The following IHO1 variants were observed in gnomAD, a reference collection of about 807,000 sequenced individuals.
IHO1 encodes interactor of HORMAD1 1.
A neutral mutation model predicts 31.0 loss-of-function variants in IHO1; 13 were observed. The observed-to-expected ratio is 0.42, with a 90% CI of 0.27 to 0.67. The LOEUF is 0.67. IHO1 is among the 30% of genes least tolerant of loss of function. IHO1 has a pLI of 0.24. For missense variants in IHO1, 599 were observed against 687.5 expected (o/e 0.87, Z 1.44); for synonymous variants, 221 against 248.4 (o/e 0.89, Z 1.04).
chr3:49,199,870 G>C (rs1449958314), intron 1 of IHO1: 2 of 152,308 alleles, frequency 1.3e-5, no homozygotes, highest in Admixed American at 1.3e-4. Context: ...GTGAGACCGG[G>C]TACGCCCCGG....
chr3:49,249,999 A>G (rs546118446), intron 6 of IHO1, among the ~76,000 whole-genome samples: 2 of 152,378 alleles, frequency 1.3e-5, no homozygotes, highest in African/African-American at 4.8e-5. Context: ...TCTTAACAGG[A>G]AAACAGATAT....
At chr3:49,220,865 C>CA (rs1553617129) in intron 2 of IHO1, among the ~76,000 whole-genome samples, 2 of 152,110 alleles carry the variant, frequency 1.3e-5, no homozygotes, top group East Asian at 1.9e-4. Context: ...AAGACTCCAT[C>CA]AAAAAATAAA....
intron 4 of IHO1, 139 bp downstream of exon 4, chr3:49,241,528 TACACACACATAC>T: frequency 1.8e-6 from 1 of 554,838 alleles, no homozygotes; most frequent in South Asian, 2.6e-5. Flanking sequence ...CCATAGGACT[TACACACACATAC>T]ACACACACAC....
intron 2 of IHO1, among the ~76,000 whole-genome samples, chr3:49,212,473 G>A (rs191257785): frequency 6.0e-4 from 90 of 149,644 alleles, no homozygotes; most frequent in African/African-American, 2.1e-3. Context: ...CTGAGATTGC[G>A]CCACTGCACT....
At chr3:49,247,080 A>G (rs12637346) in intron 6 of IHO1, among the ~76,000 whole-genome samples, 111,090 of 151,548 alleles carry the variant, frequency 0.73, 41,191 homozygotes, top group East Asian at 0.99. Context: ...AACTCCTAAT[A>G]TCAGGTGATC....
upstream of IHO1, among the ~76,000 whole-genome samples, chr3:49,195,413 C>T (rs918533360): frequency 1.7e-4 from 25 of 144,068 alleles, no homozygotes; most frequent in African/African-American, 6.2e-4. Context: ...CAGAGCAAGA[C>T]TCCATCTCAA....
At chr3:49,241,801 A>T (rs1348761819) in intron 4 of IHO1, among the ~76,000 whole-genome samples, 1 of 151,774 alleles carries the variant, frequency 6.6e-6, no homozygotes, top group Non-Finnish European at 1.5e-5. Context: ...TTGTATTTTT[A>T]GTAGAGACAG....
At chr3:49,200,475 A>AAAGAGAAAGAAAG (rs367907809) in intron 1 of IHO1, 1 of 103,858 alleles carries the variant, frequency 9.6e-6, no homozygotes, top group African/African-American at 6.1e-5. Context: ...AAAAAAAAAA[A>AAAGAGAAAGAAAG]AAAGAAAGAA....
At chr3:49,223,064 A>T (rs1320049793) in intron 2 of IHO1, among the ~76,000 whole-genome samples, 1 of 152,100 alleles carries the variant, frequency 6.6e-6, no homozygotes, top group Non-Finnish European at 1.5e-5. Flanking sequence ...TAGGTTTTTA[A>T]GGTTTCATTG....
chr3:49,219,693 C>A (rs1296881295), intron 2 of IHO1, among the ~76,000 whole-genome samples: 12 of 152,212 alleles, frequency 7.9e-5, no homozygotes, highest in Non-Finnish European at 1.8e-4. Flanking sequence ...CGAAGGGTCA[C>A]CAGAGCAATG....
intron 3 of IHO1, among the ~76,000 whole-genome samples, chr3:49,240,015 A>G (rs917141656): frequency 6.6e-6 from 1 of 152,082 alleles, no homozygotes; most frequent in Non-Finnish European, 1.5e-5. Context: ...CTTAACAAAT[A>G]AGATTAAGTT....
chr3:49,223,306 G>T (rs543996667), intron 2 of IHO1, among the ~76,000 whole-genome samples: 1 of 152,064 alleles, frequency 6.6e-6, no homozygotes, highest in Non-Finnish European at 1.5e-5. Flanking sequence ...TTGCTTTCTC[G>T]ACCTTCCCTG....
At position 49,224,691 on chromosome 3, in the gene IHO1, A is replaced by G. The variant is rs553425893; in HGVS notation, c.57-11857A>G. ...ACCTGCCCTTCGTATCCCATTCTCC[A>G]CAAATGAACTTCCATCGGTATATAG... On this transcript the variant is annotated intron_variant, in intron 2 of 7. Coordinates refer to ENST00000452691, the MANE Select transcript of IHO1 (RefSeq NM_001135197.2). 4.1e-4 allele frequency among the ~76,000 whole-genome samples: 63 copies of G among 152,328 alleles called. 1 individual carries two copies. The South Asian group carries it at 0.012, about 30-fold the overall frequency.
upstream of IHO1, among the ~76,000 whole-genome samples, chr3:49,196,709 C>T (rs1208575003): frequency 2.1e-5 from 3 of 143,110 alleles, no homozygotes; most frequent in East Asian, 2.2e-4. Flanking sequence ...CTCGCTCTGT[C>T]ACCCAGGCTG....
chr3:49,198,375 T>C (rs1250514448), upstream of IHO1: 1 of 152,376 alleles, frequency 6.6e-6, no homozygotes, highest in Non-Finnish European at 1.5e-5. Flanking sequence ...AATGCCTCAT[T>C]CTCCTGGTGT....
In IHO1 at chr3:49,256,051, A is replaced by G; in HGVS notation, c.637-83A>G. 8.4e-7 allele frequency: 1 copy of G among 1,191,918 alleles called. No homozygotes were observed. Among genetic ancestry groups the G allele is most frequent in the South Asian group, 1.5e-5 (1 of 67,920 alleles). The allele number at this position is 1,191,918 out of a possible 1,614,324, so 73.8% of individuals were successfully genotyped here. On this transcript the variant is annotated intron_variant, in intron 7 of 7. Coordinates refer to ENST00000452691, the MANE Select transcript of IHO1 (RefSeq NM_001135197.2). This position sits in a 1 kb window ranked among gnomAD's most constrained non-coding sequence, Gnocchi z 4.6. Reference sequence around the variant, plus strand: ...GAGCAAGCCTTGGTTCTGCTGTCACATCCATTGGTCTGTTCTCATGTTTTA... The same window carrying G: ...GAGCAAGCCTTGGTTCTGCTGTCACGTCCATTGGTCTGTTCTCATGTTTTA...
At chr3:49,207,819 G>A (rs2046158881) in intron 1 of IHO1, among the ~76,000 whole-genome samples, 2 of 147,782 alleles carry the variant, frequency 1.4e-5, no homozygotes, top group South Asian at 4.2e-4. Flanking sequence ...TGTCACCCAT[G>A]GTGGAGTGCA....
chr3:49,244,582 A>G (rs545878322), intron 5 of IHO1, 64 bp from the exon 6 acceptor site: 18 of 1,465,370 alleles, frequency 1.2e-5, no homozygotes, highest in Admixed American at 1.9e-5. Context: ...TGAAATGACA[A>G]TTCTCTAAGA....
In IHO1 at chr3:49,227,168, C is replaced by G. The variant is rs986864494; in HGVS notation, c.57-9380C>G. On this transcript the variant is annotated intron_variant, in intron 2 of 7. Transcript: ENST00000452691. ...ATATTTCACTCCATTTGCCTTCACT[C>G]TTACAGAAAAGGTTAAGCTGCAGGA... Among the ~76,000 whole-genome samples the G allele has an allele frequency of 1.6e-4, 24 of 152,306 alleles. No homozygotes were observed. In the East Asian group the frequency reaches 2.7e-3, roughly 17 times the overall value.
Sources: gnomAD v4.1 joint callset for allele counts (sites outside exome capture counted in the v4.1 genomes callset) on GRCh38, gnomAD v4.1.1 for gene constraint, Gnocchi (gnomAD v3.1) non-coding constraint, MANE v1.5 for transcripts, NCBI Gene and HGNC (gene_info 2026-07-23, HGNC 2026-07-21) for gene names.